CROT: variants seen among roughly 807,000 people sequenced by gnomAD.
CROT encodes carnitine O-octanoyltransferase, also known as peroxisomal carnitine O-octanoyltransferase.
A neutral mutation model predicts 89.2 loss-of-function variants in CROT; 84 were observed. That is an observed-to-expected ratio of 0.94 (90% CI 0.79 to 1.13). The LOEUF is 1.13. Among genes scored for constraint, CROT ranks in the 50% most tolerant of loss-of-function variants. CROT has a pLI of 0.00. For synonymous variants in CROT, 212 were observed against 239.5 expected (o/e 0.89, Z 1.06); for missense variants, 711 against 727.8 (o/e 0.98, Z 0.27).
At chr7:87,358,496 A>G (rs908641762) in intron 3 of CROT, among the ~76,000 whole-genome samples, 58 of 151,452 alleles carry the variant, frequency 3.8e-4, no homozygotes, top group Non-Finnish European at 5.9e-4. Context: ...AAAAAAAAAA[A>G]AAAAGAAAAG....
At chr7:87,395,639 A>G (rs1398327492) in intron 17 of CROT, among the ~76,000 whole-genome samples, 6 of 152,358 alleles carry the variant, frequency 3.9e-5, no homozygotes, top group Admixed American at 3.9e-4. Context: ...GCCTGGACCA[A>G]TGATAACCTT....
chr7:87,378,960 T>C (rs1160628164), intron 10 of CROT, among the ~76,000 whole-genome samples: 1 of 152,244 alleles, frequency 6.6e-6, no homozygotes, highest in Non-Finnish European at 1.5e-5. Flanking sequence ...AGTCATTTAT[T>C]TTGAAGATGT....
chr7:87,391,572 T>C lies in CROT; in HGVS notation c.1302-17T>C. On this transcript the variant is annotated splice_polypyrimidine_tract_variant and intron_variant, in intron 13 of 17. Transcript: ENST00000331536. ...ATTTTCTTTCTTATGATACACTCTT[T>C]TAATTTTTTCTTGTAGCCCTGGTTG... 2 of 1,583,788 alleles carry C rather than the reference T, an allele frequency of 1.3e-6. No individual in the cohort carries two copies. Among genetic ancestry groups the C allele is most frequent in the Non-Finnish European group, 8.5e-7 (1 of 1,171,522 alleles).
At chr7:87,347,152 A>G (rs546324132) in intron 2 of CROT, among the ~76,000 whole-genome samples, 1 of 152,234 alleles carries the variant, frequency 6.6e-6, no homozygotes, top group Non-Finnish European at 1.5e-5. Flanking sequence ...TATGGACTCA[A>G]GTGATTAGAT....
At position 87,389,423 on chromosome 7, in the gene CROT, C is replaced by A. The variant is rs190457929; in HGVS notation, c.1302-2166C>A. Among the ~76,000 whole-genome samples the A allele has an allele frequency of 3.0e-3, 461 of 152,288 alleles. 3 individuals are homozygous for A. The highest frequency in any genetic ancestry group is 0.01 in the African/African-American group (432 of 41,542). On this transcript the variant is annotated intron_variant, in intron 13 of 17. Coordinates refer to ENST00000331536, the MANE Select transcript of CROT (RefSeq NM_021151.4). ...ATAAAGAAAATGTGGCACATATACA[C>A]CATGGAATACTATGCAGCCATAAAA...
rs35655724 is a variant in CROT, at chr7:87,383,497, C to CTT, written c.1301+969_1301+970dup. On this transcript the variant is annotated intron_variant, in intron 13 of 17. Coordinates refer to ENST00000331536, the MANE Select transcript of CROT (RefSeq NM_021151.4). Reference sequence around the variant, plus strand: ...AATATTCCATTGTGTATGTATATCACTTTTTTTTTTTTTTTTGAGTCAGAG... The same window carrying CTT: ...AATATTCCATTGTGTATGTATATCACTTTTTTTTTTTTTTTTTTGAGTCAGAG... 9.4e-3 allele frequency among the ~76,000 whole-genome samples: 1,223 copies of CTT among 130,442 alleles called. 13 individuals carry two copies. Among genetic ancestry groups the CTT allele is most frequent in the Non-Finnish European group, 0.017 (984 of 59,612 alleles). The allele number at this position is 130,442 out of a possible 152,430, so 85.6% of individuals were successfully genotyped here.
At chr7:87,391,060 G>A (rs551194121) in intron 13 of CROT, among the ~76,000 whole-genome samples, 3 of 152,250 alleles carry the variant, frequency 2.0e-5, no homozygotes, top group Admixed American at 6.5e-5. Flanking sequence ...GCTCACCCAC[G>A]GGAACTAGTA....
At chr7:87,368,185 T>A (rs1490897308) in intron 6 of CROT, among the ~76,000 whole-genome samples, 2 of 152,218 alleles carry the variant, frequency 1.3e-5, no homozygotes, top group African/African-American at 4.8e-5. Flanking sequence ...GAAACACTTC[T>A]GCGGGTATTT....
chr7:87,347,775 C>T (rs1282472464), intron 2 of CROT, among the ~76,000 whole-genome samples: 1 of 152,044 alleles, frequency 6.6e-6, no homozygotes, highest in Admixed American at 6.5e-5. Context: ...ATATGACTTC[C>T]ATAAATGAGG....
chr7:87,368,651 C>T (rs1014547758), intron 6 of CROT, among the ~76,000 whole-genome samples: 10 of 152,172 alleles, frequency 6.6e-5, no homozygotes, highest in South Asian at 2.1e-4. Context: ...TTCCTTCAAG[C>T]GGCAGTGTAT....
intron 3 of CROT, chr7:87,357,569 C>A: frequency 7.4e-7 from 1 of 1,349,004 alleles, no homozygotes; most frequent in Non-Finnish European, 1.0e-6. Flanking sequence ...GTTCTTGGAT[C>A]TCACGCGGGA....
intron 3 of CROT, chr7:87,354,400 A>G (rs1158229471): frequency 1.9e-6 from 1 of 518,742 alleles, no homozygotes; most frequent in Non-Finnish European, 3.9e-6. Context: ...CTTGGATTTA[A>G]CTGGACCTAG....
chr7:87,353,984 G>A (rs1485450230), intron 3 of CROT, among the ~76,000 whole-genome samples: 1 of 152,218 alleles, frequency 6.6e-6, no homozygotes, highest in Non-Finnish European at 1.5e-5. Flanking sequence ...CAGTCTTGTA[G>A]TGATTAATTT....
At position 87,377,438 on chromosome 7, in the gene CROT, C is replaced by T. The variant is rs1382434810; in HGVS notation, c.966C>T (p.Gly322=). The T allele has an allele frequency of 5.0e-6, 8 of 1,600,798 alleles. No individual in the cohort carries two copies. Among genetic ancestry groups the T allele is most frequent in the Non-Finnish European group, 6.8e-6 (8 of 1,169,028 alleles). The part of the protein sequence containing the change: ...NLISFSNGVF[G]CNCDHAPFDA... ...TTTCCTTTTCTAATGGAGTATTTGG[C>T]TGTAATTGTGATGTAAGTAAACTAC... Residue 322 remains glycine (G), a synonymous_variant, in exon 10 of 18, where the codon GGC becomes GGT. Coordinates refer to ENST00000331536, the MANE Select transcript of CROT (RefSeq NM_021151.4).
chr7:87,350,325 G>C (rs1053791504), intron 3 of CROT, among the ~76,000 whole-genome samples: 6 of 152,136 alleles, frequency 3.9e-5, no homozygotes, highest in African/African-American at 1.4e-4. Flanking sequence ...AAAGCCATAT[G>C]GTTTTGCAAG....
Position 87,382,429 on chromosome 7 carries a change from T to A in CROT, c.1187T>A (p.Ile396Asn). 6.2e-7 allele frequency: 1 copy of A among 1,613,608 alleles called. No individual in the cohort carries two copies. Residue 396 changes from isoleucine to asparagine, a missense_variant, in exon 13 of 18, where the codon ATT (isoleucine) becomes AAT (asparagine). Coordinates refer to ENST00000331536, the MANE Select transcript of CROT (RefSeq NM_021151.4). ...QYLREASDLQ[I>N]AAYAFTSFGK... ...TCTTGTTAGGCATCTGATCTACAGA[T>A]TGCGGCTTATGCCTTTACATCTTTT...
rs1280479478 is a variant in CROT, at chr7:87,391,731, A to G, written c.1425+19A>G. ...TGTCAATGTGAGTATTGGAAAGGAA[A>G]AAAACTCACAAGATTTGTTTAATTG... On this transcript the variant is annotated intron_variant, in intron 14 of 17. Transcript: ENST00000331536. 4.4e-6 allele frequency: 7 copies of G among 1,596,064 alleles called. No individual in the cohort carries two copies. In the Admixed American group the frequency reaches 7.3e-5, roughly 17 times the overall value.
intron 7 of CROT, among the ~76,000 whole-genome samples, chr7:87,373,488 C>T (rs768977636): frequency 6.6e-6 from 1 of 151,894 alleles, no homozygotes; most frequent in African/African-American, 2.4e-5. Context: ...TCTAAGAAAC[C>T]ATTGCCTAAT....
intron 12 of CROT, 23 bp from the exon 13 acceptor site, chr7:87,382,390 T>C (rs1807040073): frequency 1.9e-6 from 3 of 1,605,334 alleles, no homozygotes; most frequent in Non-Finnish European, 1.7e-6. Flanking sequence ...TTTTCACCGT[T>C]CTCATTTAAT....
Sources: allele counts gnomAD v4.1 joint callset (sites outside exome capture counted in the v4.1 genomes callset), GRCh38; gene constraint gnomAD v4.1.1; transcripts MANE v1.5; gene names NCBI Gene and HGNC (gene_info 2026-07-23, HGNC 2026-07-21).